CNTN5: variants seen among roughly 807,000 people sequenced by gnomAD.
CNTN5 encodes the protein contactin-5.
Under a neutral mutation model 129.1 loss-of-function variants are expected in CNTN5, and 77 were observed. That is an observed-to-expected ratio of 0.60 (90% CI 0.50 to 0.72). The LOEUF is 0.72. Among genes scored for constraint, CNTN5 ranks in the 30% least tolerant of loss-of-function variants. The pLI is 0.00. For missense variants in CNTN5, 1,478 were observed against 1,328.8 expected, an observed-to-expected ratio of 1.11 and a Z score of -1.75; for synonymous variants, 509 against 465.6, an observed-to-expected ratio of 1.09 and a Z score of -1.20.
intron 18 of CNTN5, among the ~76,000 whole-genome samples, chr11:100,273,931 A>G (rs576229974): frequency 6.6e-6 from 1 of 152,360 alleles, no homozygotes; most frequent in South Asian, 2.1e-4. Flanking sequence ...CTAAGCAAAA[A>G]GAAGAAAGCT....
At chr11:99,863,640 C>T (rs1948274988) in intron 6 of CNTN5, among the ~76,000 whole-genome samples, 1 of 152,014 alleles carries the variant, frequency 6.6e-6, no homozygotes, top group African/African-American at 2.4e-5. Context: ...GAAGGCCTAC[C>T]TTTAGAAATT....
intron 21 of CNTN5, among the ~76,000 whole-genome samples, chr11:100,318,099 G>C (rs1951604622): frequency 6.6e-6 from 1 of 151,722 alleles, no homozygotes; most frequent in African/African-American, 2.4e-5. Flanking sequence ...AAATTAGCCG[G>C]GCGCGGTGGT....
chr11:99,986,209 A>G (rs544412965), intron 8 of CNTN5, among the ~76,000 whole-genome samples: 1 of 152,150 alleles, frequency 6.6e-6, no homozygotes, highest in Admixed American at 6.5e-5. Flanking sequence ...CTCCTCTGTC[A>G]GCTCTCAACT....
At chr11:99,618,754 C>T (rs1343065994) in intron 3 of CNTN5, among the ~76,000 whole-genome samples, 1 of 152,088 alleles carries the variant, frequency 6.6e-6, no homozygotes, top group African/African-American at 2.4e-5. Flanking sequence ...CTTTCACTCT[C>T]AGAATATTTG....
At chr11:100,017,210 C>T (rs1180712797) in intron 9 of CNTN5, among the ~76,000 whole-genome samples, 1 of 151,870 alleles carries the variant, frequency 6.6e-6, no homozygotes, top group Non-Finnish European at 1.5e-5. Flanking sequence ...GCAGCCTTCA[C>T]AACATTTCCA....
intron 7 of CNTN5, among the ~76,000 whole-genome samples, chr11:99,927,521 G>C (rs1950090023): frequency 6.6e-6 from 1 of 152,142 alleles, no homozygotes; most frequent in South Asian, 2.1e-4. Context: ...GAAACTTAAA[G>C]TCATGGCAAA....
At chr11:99,852,548 C>G (rs1947905426) in intron 6 of CNTN5, among the ~76,000 whole-genome samples, 2 of 152,152 alleles carry the variant, frequency 1.3e-5, no homozygotes, top group South Asian at 4.1e-4. Context: ...TACCCTCACA[C>G]TCTTATTTCT....
intron 1 of CNTN5, among the ~76,000 whole-genome samples, chr11:99,060,361 A>C (rs1209257696): frequency 6.6e-6 from 1 of 152,140 alleles, no homozygotes; most frequent in Non-Finnish European, 1.5e-5. Flanking sequence ...ATGCATGCAA[A>C]ATGTATATTA....
In CNTN5 at chr11:100,314,748, C is replaced by T. The variant is rs540256008; in HGVS notation, c.2730+6280C>T. ...TCTCTAACAGCCTTACCTGATCTCC[C>T]TCCTGCAAGTTGCTATCATTAGGCT... On this transcript the variant is annotated intron_variant, in intron 21 of 24. Coordinates refer to ENST00000524871, the MANE Select transcript of CNTN5 (RefSeq NM_014361.4). Among the ~76,000 whole-genome samples the T allele has an allele frequency of 2.6e-5, 4 of 152,222 alleles. No individual in the cohort carries two copies. In the South Asian group the frequency reaches 8.3e-4, roughly 32 times the overall value.
At position 99,645,102 on chromosome 11, in the gene CNTN5, T is replaced by TAAAAAAA. The variant is rs140819611; in HGVS notation, c.55+88833_55+88834insAAAAAAA. ...AATATGGTGAAACTCCGTCTCTACTTTAAAAAAAAAAGCCAGGCGTGATGC... is the reference window on the plus strand; with the variant it reads ...AATATGGTGAAACTCCGTCTCTACTTAAAAAAATAAAAAAAAAAGCCAGGCGTGATGC... On this transcript the variant is annotated intron_variant, in intron 3 of 24. Coordinates refer to ENST00000524871, the MANE Select transcript of CNTN5 (RefSeq NM_014361.4). Among the ~76,000 whole-genome samples, 247 of 143,198 alleles carry TAAAAAAA rather than the reference T, an allele frequency of 1.7e-3. 2 individuals carry two copies. The highest frequency in any genetic ancestry group is 3.8e-3 in the Admixed American group (54 of 14,154). 93.9% of individuals were successfully genotyped at this position (143,198 alleles called of 152,430 possible). A position where few individuals can be genotyped will look rare whatever the true frequency, so the allele number is the denominator to read the frequency against.
At chr11:99,967,253 T>C (rs913312798) in intron 8 of CNTN5, among the ~76,000 whole-genome samples, 8 of 152,132 alleles carry the variant, frequency 5.3e-5, no homozygotes, top group Non-Finnish European at 1.2e-4. Context: ...ACCAAAGCAG[T>C]GGTGAAGGTT....
At chr11:100,026,669 T>C (rs2137590619) in intron 9 of CNTN5, among the ~76,000 whole-genome samples, 1 of 152,328 alleles carries the variant, frequency 6.6e-6, no homozygotes, top group African/African-American at 2.4e-5. Context: ...TATCTGCCAT[T>C]TGTGTATATT....
chr11:99,641,412 C>G (rs776659216), intron 3 of CNTN5, among the ~76,000 whole-genome samples: 2 of 25,882 alleles, frequency 7.7e-5, no homozygotes, highest in Non-Finnish European at 2.8e-4. Flanking sequence ...GGTTCCAATC[C>G]TCCTCCCGGC....
intron 2 of CNTN5, among the ~76,000 whole-genome samples, chr11:99,495,009 A>G (rs190623770): frequency 6.3e-4 from 96 of 152,342 alleles, no homozygotes; most frequent in African/African-American, 2.2e-3. Context: ...CAAAAACACT[A>G]AAAAGTGTTG....
chr11:99,809,884 C>CT (rs1395740346), intron 3 of CNTN5, among the ~76,000 whole-genome samples: 1 of 152,044 alleles, frequency 6.6e-6, no homozygotes, highest in Non-Finnish European at 1.5e-5. Context: ...ACAGTTAAAA[C>CT]TTTACTGAAA....
At chr11:100,049,291 G>A (rs1942840188) in intron 9 of CNTN5, among the ~76,000 whole-genome samples, 1 of 151,836 alleles carries the variant, frequency 6.6e-6, no homozygotes, top group Admixed American at 6.6e-5. Context: ...TGGCACAAAG[G>A]GTAGGAAGGA....
At chr11:99,524,891 C>A (rs923871736) in intron 2 of CNTN5, among the ~76,000 whole-genome samples, 3 of 152,086 alleles carry the variant, frequency 2.0e-5, no homozygotes, top group Non-Finnish European at 4.4e-5. Flanking sequence ...ATCCTTCCAT[C>A]TTTTTCCCCT....
rs543685173 is a variant in CNTN5 at position 99,705,285 on chromosome 11, T to C, written c.56-114259T>C. Among the ~76,000 whole-genome samples, 12 of 151,522 alleles carry C rather than the reference T, an allele frequency of 7.9e-5. No individual in the cohort carries two copies. The East Asian group carries it at 2.3e-3, about 29-fold the overall frequency. On this transcript the variant is annotated intron_variant, in intron 3 of 24. Transcript: ENST00000524871. Reference sequence around the variant, plus strand: ...TTCAAGGCCTAGTGTTCCTAGAATGTGGTCACTGAATCCAGATATGCTCTA... The same window carrying C: ...TTCAAGGCCTAGTGTTCCTAGAATGCGGTCACTGAATCCAGATATGCTCTA...
intron 6 of CNTN5, among the ~76,000 whole-genome samples, chr11:99,890,393 A>G (rs1248010564): frequency 6.6e-6 from 1 of 152,022 alleles, no homozygotes; most frequent in African/African-American, 2.4e-5. Flanking sequence ...CCTTATATAT[A>G]TATATCAGTA....
Sources: allele counts gnomAD v4.1 joint callset (sites outside exome capture counted in the v4.1 genomes callset), GRCh38; gene constraint gnomAD v4.1.1; transcripts MANE v1.5; gene names NCBI Gene and HGNC (gene_info 2026-07-23, HGNC 2026-07-21).